Variants in SCN4A observed in about 807,000 individuals in gnomAD.
SCN4A encodes the protein sodium voltage-gated channel alpha subunit 4.
A neutral mutation model predicts 162.0 loss-of-function variants in SCN4A; 83 were observed. The observed-to-expected ratio is 0.51, with a 90% CI of 0.43 to 0.61. The LOEUF is 0.61. Among genes scored for constraint, SCN4A ranks in the 20% least tolerant of loss-of-function variants. The probability of loss-of-function intolerance (pLI) is 0.00; values close to 1 mark genes in which losing one functional copy is unlikely to be tolerated. For missense variants in SCN4A, 2,196 were observed against 2,462.5 expected (o/e 0.89, Z 2.29); for synonymous variants, 944 against 985.1 (o/e 0.96, Z 0.78).
At chr17:63,948,560 T>G in intron 16 of SCN4A, 51 bp downstream of exon 16, 1 of 1,550,236 alleles carries the variant, frequency 6.5e-7, no homozygotes, top group Non-Finnish European at 8.8e-7. Context: ...CAAGAGGACC[T>G]GCTGTGGGCC....
At chr17:63,943,883 G>A in intron 21 of SCN4A, 33 bp from the exon 22 acceptor site, 2 of 1,421,330 alleles carry the variant, frequency 1.4e-6, no homozygotes, top group Non-Finnish European at 2.0e-6. Context: ...AGGTTGAGGT[G>A]CAGTTCCCCT....
Position 63,951,776 on chromosome 17 carries a change from C to A in SCN4A, c.2501G>T (p.Gly834Val). Reference protein sequence around the residue: ...IAIGRIKLGIGFAKAFLLGLL... With the variant: ...IAIGRIKLGIVFAKAFLLGLL... ...CCCCAGGAGGAAGGCCTTGGCAAAGCCGATGCCCAACTTGATGCGCCCGAT... is the reference window on the plus strand; with the variant it reads ...CCCCAGGAGGAAGGCCTTGGCAAAGACGATGCCCAACTTGATGCGCCCGAT... Residue 834 changes from glycine (G) to valine (V), a missense_variant, in exon 14 of 24, where the codon GGC (glycine) becomes GTC (valine). Physicochemically the swap from Gly to Val is moderately radical, Grantham distance 109. Transcript: ENST00000435607. The surrounding 1 kb of genome is among the most constrained non-coding windows in gnomAD (Gnocchi z 4.5). The A allele has an allele frequency of 1.3e-6, 2 of 1,584,658 alleles. No individual in the cohort carries two copies. The highest frequency in any genetic ancestry group is 1.7e-6 in the Non-Finnish European group (2 of 1,165,284).
chr17:63,968,999 C>T (rs976588618), intron 5 of SCN4A, among the ~76,000 whole-genome samples: 1 of 152,086 alleles, frequency 6.6e-6, no homozygotes, highest in Non-Finnish European at 1.5e-5. Flanking sequence ...GCCACCACAC[C>T]CAGCTCATTT....
At chr17:63,942,697 G>A (rs1199633314) in intron 23 of SCN4A, 129 bp downstream of exon 23, 43 of 937,576 alleles carry the variant, frequency 4.6e-5, no homozygotes, top group Non-Finnish European at 6.4e-5. Flanking sequence ...AGAGTGAATG[G>A]CAGGCACGCA....
chr17:63,971,727 C>A lies in SCN4A; in HGVS notation c.606G>T (p.Met202Ile), dbSNP rs769107760. Residue 202 changes from methionine (M) to isoleucine (I), a missense_variant, in exon 4 of 24, where the codon ATG (methionine) becomes ATT (isoleucine). Coordinates refer to ENST00000435607, the MANE Select transcript of SCN4A (RefSeq NM_000334.4). ...GTCCTGGGGCCCCTGCTCACGCCAT[C>A]ATGATGACACTGAAGTCCAGCCAGT... ...PWNWLDFSVI[M>I]MAYLTEFVDL... 6 of 1,597,212 alleles carry A rather than the reference C, an allele frequency of 3.8e-6. No homozygotes were observed. Among genetic ancestry groups the A allele is most frequent in the Non-Finnish European group, 5.1e-6 (6 of 1,172,110 alleles).
In SCN4A at chr17:63,945,124, T is replaced by A; in HGVS notation, c.3721-64A>T. 1 of 1,541,080 alleles carries A rather than the reference T, an allele frequency of 6.5e-7. No homozygotes were observed. Among genetic ancestry groups the A allele is most frequent in the Non-Finnish European group, 8.9e-7 (1 of 1,119,546 alleles). The stretch of plus-strand genomic sequence containing the variant: ...TCCCTGCTTTCATCATCCATGAGTT[T>A]CCCTCCCCCACCCAACCTGGTCCTC... On this transcript the variant is annotated intron_variant, in intron 19 of 23. Transcript: ENST00000435607. The surrounding 1 kb of genome is among the most constrained non-coding windows in gnomAD (Gnocchi z 4.4).
chr17:63,943,715 C>T, intron 22 of SCN4A, 31 bp downstream of exon 22: 1 of 1,383,210 alleles, frequency 7.2e-7, no homozygotes, highest in Middle Eastern at 2.0e-4. Context: ...CCTGGCAGCA[C>T]ACACAGGACA....
At chr17:63,956,394 A>G (rs1163642417) in intron 13 of SCN4A, among the ~76,000 whole-genome samples, 1 of 152,146 alleles carries the variant, frequency 6.6e-6, no homozygotes, top group Non-Finnish European at 1.5e-5. Context: ...GTGTGCCACC[A>G]TGCCTAGCTA....
Position 63,941,901 on chromosome 17 carries a change from G to A in SCN4A, c.4381C>T (p.Leu1461=). The change falls in exon 24 of 24, where the codon CTG becomes TTG. Residue 1461 remains leucine (L), a synonymous_variant. Transcript: ENST00000435607. This position sits in a 1 kb window ranked among gnomAD's most constrained non-coding sequence, Gnocchi z 6.2. ...RLARIGRVLR[L]IRGAKGIRTL... ...CGGATGCCCTTGGCCCCGCGGATCA[G>A]CCGCAGGACACGCCCAATCCGCGCC... 6.2e-7 allele frequency: 1 copy of A among 1,613,184 alleles called. No individual in the cohort carries two copies. The highest frequency in any genetic ancestry group is 8.5e-7 in the Non-Finnish European group (1 of 1,179,140).
intron 3 of SCN4A, 142 bp from the exon 4 acceptor site, chr17:63,971,992 C>T (rs1909625640): frequency 3.7e-6 from 4 of 1,070,954 alleles, no homozygotes; most frequent in African/African-American, 3.1e-5. Context: ...GATAGCATGG[C>T]CACCCCAGGG....
chr17:63,942,066 G>A, intron 23 of SCN4A, 73 bp from the exon 24 acceptor site: 7 of 1,405,210 alleles, frequency 5.0e-6, no homozygotes, highest in Non-Finnish European at 5.7e-6. Flanking sequence ...AGCATGCGGG[G>A]CTCAGGGGGC....
intron 5 of SCN4A, among the ~76,000 whole-genome samples, chr17:63,970,836 G>T (rs777398828): frequency 2.3e-4 from 35 of 152,094 alleles, no homozygotes; most frequent in Non-Finnish European, 4.6e-4. Flanking sequence ...GTTTTGTCTT[G>T]TTGGCCAGGC....
intron 16 of SCN4A, 128 bp from the exon 17 acceptor site, chr17:63,948,191 T>A (rs1163693061): frequency 3.0e-6 from 2 of 662,342 alleles, no homozygotes; most frequent in Non-Finnish European, 4.9e-6. Flanking sequence ...AGGGACAGGC[T>A]GTCCGCATCT....
At chr17:63,953,045 T>C (rs1179735781) in intron 13 of SCN4A, among the ~76,000 whole-genome samples, 1 of 152,132 alleles carries the variant, frequency 6.6e-6, no homozygotes, top group Non-Finnish European at 1.5e-5. Context: ...CAAGTGTTCC[T>C]CCCATTGTTG....
In SCN4A at chr17:63,943,843, C is replaced by G; in HGVS notation, c.3920G>C (p.Gly1307Ala). The G allele has an allele frequency of 1.2e-6, 2 of 1,607,854 alleles. No homozygotes were observed. The highest frequency in any genetic ancestry group is 1.7e-6 in the Non-Finnish European group (2 of 1,174,382). The change falls in exon 22 of 24, where the codon GGG (glycine) becomes GCG (alanine). Residue 1307 changes from glycine (G) to alanine (A), a missense_variant. By Grantham distance (60) the Gly-to-Ala change is moderately conservative (BLOSUM62 0). Transcript: ENST00000435607. ...TTCCTCCGTCATAAAGATGTCTTTC[C>G]CCCCTAAGTATAGTGGGATAGGGCT... ...NFNQQKKKLG[G>A]KDIFMTEEQK...
intron 10 of SCN4A, 41 bp downstream of exon 10, chr17:63,963,631 C>T (rs754675677): frequency 2.0e-6 from 3 of 1,501,468 alleles, no homozygotes; most frequent in Non-Finnish European, 1.8e-6. Flanking sequence ...CAGCCAGGCT[C>T]CACCCCTACC....
At chr17:63,958,027 AAAAAG>A (rs965970473) in intron 12 of SCN4A, among the ~76,000 whole-genome samples, 1 of 150,370 alleles carries the variant, frequency 6.7e-6, no homozygotes, top group South Asian at 2.1e-4. Context: ...AAAGAAAAAG[AAAAAG>A]AAAAGAAAAG....
At chr17:63,947,302 C>T (rs962373841) in intron 17 of SCN4A, 135 bp from the exon 18 acceptor site, 8 of 1,133,746 alleles carry the variant, frequency 7.1e-6, no homozygotes, top group Non-Finnish European at 9.0e-6. Context: ...GTGGTCCTGT[C>T]CGGTGGGAAG....
intron 10 of SCN4A, among the ~76,000 whole-genome samples, 190 bp downstream of exon 10, chr17:63,963,482 C>T (rs906603670): frequency 1.3e-5 from 2 of 152,218 alleles, no homozygotes; most frequent in Non-Finnish European, 2.9e-5. Context: ...TAAATATAGC[C>T]ATTTCTTCTA....
Sources: gnomAD v4.1 joint callset for allele counts (sites outside exome capture counted in the v4.1 genomes callset) on GRCh38, gnomAD v4.1.1 for gene constraint, Gnocchi (gnomAD v3.1) non-coding constraint, MANE v1.5 for transcripts, NCBI Gene and HGNC (gene_info 2026-07-23, HGNC 2026-07-21) for gene names.